EIPR1: variants seen among roughly 807,000 people sequenced by gnomAD.
The protein encoded by EIPR1 is EARP complex and GARP complex interacting protein 1, also known as EARP and GARP complex-interacting protein 1.
A neutral mutation model predicts 48.1 loss-of-function variants in EIPR1; 25 were observed. The ratio of observed to expected loss-of-function variants is 0.52; its 90% CI spans 0.38 to 0.73. EIPR1 has a LOEUF of 0.73. EIPR1 is among the 30% of genes least tolerant of loss of function. The pLI is 0.00. For synonymous variants in EIPR1, 204 were observed against 201.9 expected (o/e 1.01, Z -0.09); for missense variants, 415 against 506.2 (o/e 0.82, Z 1.73).
intron 1 of EIPR1, among the ~76,000 whole-genome samples, chr2:3,356,040 G>A (rs536066777): frequency 1.4e-4 from 22 of 152,308 alleles, no homozygotes; most frequent in African/African-American, 5.3e-4. Context: ...TGGGGTGAAG[G>A]AGGAAGGGCT....
chr2:3,196,296 A>T (rs1471748932), intron 6 of EIPR1, among the ~76,000 whole-genome samples: 3 of 152,334 alleles, frequency 2.0e-5, no homozygotes, highest in East Asian at 3.9e-4. Context: ...ACTGTATCTT[A>T]AAAAAGCTTG....
chr2:3,272,610 T>A (rs1667731099), intron 3 of EIPR1, among the ~76,000 whole-genome samples: 1 of 152,192 alleles, frequency 6.6e-6, no homozygotes, highest in South Asian at 2.1e-4. Flanking sequence ...CCATCTTACA[T>A]GGGCATGGTT....
chr2:3,258,349 C>A (rs1261991399), intron 3 of EIPR1, among the ~76,000 whole-genome samples: 1 of 152,118 alleles, frequency 6.6e-6, no homozygotes. Flanking sequence ...AATTTGCTTT[C>A]CATTTAGTTT....
At chr2:3,313,153 T>C (rs1311069753) in intron 3 of EIPR1, among the ~76,000 whole-genome samples, 3 of 152,184 alleles carry the variant, frequency 2.0e-5, no homozygotes, top group African/African-American at 7.2e-5. Context: ...CGATGAGGGC[T>C]GCACTTCTTC....
At chr2:3,302,558 C>G (rs1228484398) in intron 3 of EIPR1, among the ~76,000 whole-genome samples, 2 of 152,216 alleles carry the variant, frequency 1.3e-5, no homozygotes, top group Non-Finnish European at 2.9e-5. Context: ...GCAAGCTGAT[C>G]CTGAGTGCAG....
At chr2:3,320,119 G>GC (rs1374639313) in intron 3 of EIPR1, 9,107 of 174,040 alleles carry the variant, frequency 0.052, 377 homozygotes, top group African/African-American at 0.071. Context: ...CACCGCCCCT[G>GC]GGGGCAACAC....
At chr2:3,332,259 TG>T (rs772920857) in intron 3 of EIPR1, among the ~76,000 whole-genome samples, 6 of 152,174 alleles carry the variant, frequency 3.9e-5, no homozygotes, top group Non-Finnish European at 8.8e-5. Flanking sequence ...GTTCTAAATA[TG>T]GAAAGTGAGA....
chr2:3,198,746 C>A (rs532092022), intron 5 of EIPR1, among the ~76,000 whole-genome samples: 1 of 151,934 alleles, frequency 6.6e-6, no homozygotes, highest in Non-Finnish European at 1.5e-5. Flanking sequence ...AGGGAGTGTA[C>A]GAATAGGGTG....
At chr2:3,198,589 C>T (rs556187220) in intron 5 of EIPR1, among the ~76,000 whole-genome samples, 52 of 152,174 alleles carry the variant, frequency 3.4e-4, no homozygotes, top group African/African-American at 1.1e-3. Context: ...TTCCCTGTGT[C>T]GGTCGGTCTG....
chr2:3,282,609 C>T (rs2103261545), intron 3 of EIPR1: 1 of 152,388 alleles, frequency 6.6e-6, no homozygotes. Context: ...AGGGTGTGTG[C>T]TTTGATGGGC....
intron 5 of EIPR1, among the ~76,000 whole-genome samples, chr2:3,201,089 C>T (rs908163077): frequency 6.6e-6 from 1 of 152,202 alleles, no homozygotes. Context: ...CTGCCGAGCC[C>T]CAGGCACGTG....
intron 3 of EIPR1, among the ~76,000 whole-genome samples, chr2:3,285,633 C>T (rs1228582250): frequency 6.6e-6 from 1 of 152,238 alleles, no homozygotes; most frequent in Non-Finnish European, 1.5e-5. Context: ...GCAAGAGTTA[C>T]TAACACATGG....
At chr2:3,252,947 G>A (rs985282912) in intron 4 of EIPR1, among the ~76,000 whole-genome samples, 5 of 152,226 alleles carry the variant, frequency 3.3e-5, no homozygotes, top group Non-Finnish European at 7.3e-5. Context: ...CCCTAGCCAG[G>A]GCTCTTTTAA....
At chr2:3,295,872 GCA>G (rs1668561531) in intron 3 of EIPR1, among the ~76,000 whole-genome samples, 1 of 39,418 alleles carries the variant, frequency 2.5e-5, no homozygotes, top group Admixed American at 3.0e-4. Context: ...TCCTCTCTCT[GCA>G]CACACCCTCC....
At chr2:3,253,384 C>G (rs893305366) in intron 4 of EIPR1, among the ~76,000 whole-genome samples, 1 of 152,180 alleles carries the variant, frequency 6.6e-6, no homozygotes, top group African/African-American at 2.4e-5. Context: ...TCCCAGGACC[C>G]CCTGAGGGCC....
intron 4 of EIPR1, among the ~76,000 whole-genome samples, chr2:3,234,858 A>T (rs1430171771): frequency 3.9e-5 from 6 of 152,242 alleles, no homozygotes; most frequent in African/African-American, 1.4e-4. Flanking sequence ...CTCTGAGGTC[A>T]CAAGGCCATG....
chr2:3,331,228 TGTGTC>T (rs1669894700), intron 3 of EIPR1, among the ~76,000 whole-genome samples: 1 of 83,966 alleles, frequency 1.2e-5, no homozygotes, highest in Admixed American at 1.1e-4. Flanking sequence ...ACTCATGAGA[TGTGTC>T]AGCAGAGGCA....
intron 3 of EIPR1, among the ~76,000 whole-genome samples, chr2:3,316,793 C>A (rs2103317734): frequency 6.6e-6 from 1 of 152,378 alleles, no homozygotes; most frequent in South Asian, 2.1e-4. Flanking sequence ...GGCCTCACAG[C>A]CCCCTGACCT....
chr2:3,329,933 T>C (rs1318749951), intron 3 of EIPR1, among the ~76,000 whole-genome samples: 1 of 150,030 alleles, frequency 6.7e-6, no homozygotes, highest in African/African-American at 2.5e-5. Flanking sequence ...CTCAGGGTAC[T>C]AGCCTGGACT....
Sources: allele counts gnomAD v4.1 joint callset (sites outside exome capture counted in the v4.1 genomes callset), GRCh38; gene constraint gnomAD v4.1.1; transcripts MANE v1.5; gene names NCBI Gene and HGNC (gene_info 2026-07-23, HGNC 2026-07-21).